MAML2: variants seen among roughly 807,000 people sequenced by gnomAD.
MAML2 encodes the protein mastermind-like protein 2.
MAML2 carries 22 observed loss-of-function variants against 96.1 expected under a neutral mutation model. The observed-to-expected ratio is 0.23, with a 90% CI of 0.16 to 0.33. The LOEUF is 0.33. Ranked by LOEUF, MAML2 falls within the 10% of genes least tolerant of loss-of-function variation. MAML2 has a pLI of 1.00. For missense variants in MAML2, 1,367 were observed against 1,392.4 expected (o/e 0.98, Z 0.29); for synonymous variants, 561 against 521.3 (o/e 1.08, Z -1.04).
intron 2 of MAML2, among the ~76,000 whole-genome samples, chr11:96,009,237 G>A (rs984716503): frequency 3.3e-5 from 5 of 152,082 alleles, no homozygotes; most frequent in African/African-American, 4.8e-5. Flanking sequence ...GCACCTCAGC[G>A]CTGCAACTTT....
At chr11:95,989,741 G>T (rs1857882341) in intron 3 of MAML2, among the ~76,000 whole-genome samples, 1 of 152,144 alleles carries the variant, frequency 6.6e-6, no homozygotes, top group African/African-American at 2.4e-5. Context: ...TCCAGTCTGT[G>T]ACTCCCTTAA....
intron 2 of MAML2, among the ~76,000 whole-genome samples, chr11:96,033,318 T>C (rs1262377189): frequency 1.3e-5 from 2 of 152,332 alleles, no homozygotes; most frequent in East Asian, 1.9e-4. Flanking sequence ...TAGTACCTTA[T>C]ATCAGAGTTC....
intron 1 of MAML2, among the ~76,000 whole-genome samples, chr11:96,339,856 C>T (rs2136023283): frequency 6.6e-6 from 1 of 152,270 alleles, no homozygotes; most frequent in East Asian, 1.9e-4. Flanking sequence ...CACTGCTTTC[C>T]TAGGGAATTC....
chr11:96,014,257 A>G (rs911399517), intron 2 of MAML2, among the ~76,000 whole-genome samples: 3 of 152,216 alleles, frequency 2.0e-5, no homozygotes, highest in African/African-American at 7.2e-5. Context: ...AACTGAGTAT[A>G]TTCACTGAGG....
intron 1 of MAML2, among the ~76,000 whole-genome samples, chr11:96,148,986 C>T (rs942325760): frequency 6.6e-6 from 1 of 152,164 alleles, no homozygotes; most frequent in Non-Finnish European, 1.5e-5. Flanking sequence ...TTGCTTAAGG[C>T]GGCATCTTAA....
chr11:96,180,402 C>T (rs1675604985), intron 1 of MAML2, among the ~76,000 whole-genome samples: 1 of 152,188 alleles, frequency 6.6e-6, no homozygotes, highest in African/African-American at 2.4e-5. Context: ...ACAGTTTCCA[C>T]TTGGCTCTCT....
intron 1 of MAML2, among the ~76,000 whole-genome samples, chr11:96,280,763 C>A (rs1324273281): frequency 1.3e-5 from 2 of 152,196 alleles, no homozygotes; most frequent in African/African-American, 4.8e-5. Context: ...TGAGTGGTAG[C>A]TAAAAGTCCT....
intron 2 of MAML2, among the ~76,000 whole-genome samples, chr11:96,058,362 C>A (rs1859102277): frequency 6.6e-6 from 1 of 152,190 alleles, no homozygotes; most frequent in Non-Finnish European, 1.5e-5. Flanking sequence ...CCCCGTTGCC[C>A]AGGCTGGAGT....
chr11:96,077,028 T>C (rs1181366807), intron 2 of MAML2, among the ~76,000 whole-genome samples: 1 of 152,004 alleles, frequency 6.6e-6, no homozygotes, highest in Non-Finnish European at 1.5e-5. Context: ...GAAAAACAAA[T>C]GGAGATATTT....
intron 2 of MAML2, among the ~76,000 whole-genome samples, chr11:96,077,215 C>CTTTTT (rs1565207022): frequency 6.8e-4 from 42 of 61,834 alleles, no homozygotes; most frequent in African/African-American, 2.4e-3. Flanking sequence ...CCAACTCTCT[C>CTTTTT]TCTCTTTTTT....
At chr11:96,307,059 C>T (rs1245033044) in intron 1 of MAML2, among the ~76,000 whole-genome samples, 1 of 152,148 alleles carries the variant, frequency 6.6e-6, no homozygotes, top group Non-Finnish European at 1.5e-5. Context: ...CTCACTCACA[C>T]GGCTGTAATA....
chr11:96,006,552 C>CT (rs61447709), intron 2 of MAML2, among the ~76,000 whole-genome samples: 34,714 of 144,516 alleles, frequency 0.24, 4,406 homozygotes, highest in East Asian at 0.43. Context: ...ATTGGAGTAT[C>CT]TTTTTTTTTT....
intron 1 of MAML2, among the ~76,000 whole-genome samples, chr11:96,314,879 GGACA>G (rs944607189): frequency 7.9e-5 from 12 of 152,192 alleles, no homozygotes; most frequent in African/African-American, 2.7e-4. Context: ...CTAGGCCAGA[GGACA>G]GACAAAGTCA....
At chr11:96,300,731 G>A (rs776371012) in intron 1 of MAML2, among the ~76,000 whole-genome samples, 6 of 152,174 alleles carry the variant, frequency 3.9e-5, no homozygotes, top group African/African-American at 7.2e-5. Flanking sequence ...TCCCTGTATC[G>A]CATGACATCC....
chr11:96,190,466 C>A (rs1861637971), intron 1 of MAML2, among the ~76,000 whole-genome samples: 1 of 152,160 alleles, frequency 6.6e-6, no homozygotes, highest in Non-Finnish European at 1.5e-5. Context: ...TACAGCCAAT[C>A]CATGAAAGAA....
At chr11:96,119,538 A>T (rs1772531547) in intron 1 of MAML2, among the ~76,000 whole-genome samples, 1 of 152,198 alleles carries the variant, frequency 6.6e-6, no homozygotes, top group Non-Finnish European at 1.5e-5. Context: ...AATGTGATGT[A>T]TTTAAGTTAT....
rs368507789 is a variant in MAML2 at position 96,179,896 on chromosome 11, C to T, written c.514-86379G>A. Reference sequence around the variant, plus strand: ...AATCCATGGTTCAGCCAGTGGCCACCTTGGCCAACTAGGAGCTGACATTGC... The same window carrying T: ...AATCCATGGTTCAGCCAGTGGCCACTTTGGCCAACTAGGAGCTGACATTGC... On this transcript the variant is annotated intron_variant, in intron 1 of 4. Transcript: ENST00000524717. 2.4e-4 allele frequency among the ~76,000 whole-genome samples: 36 copies of T among 152,346 alleles called. No homozygotes were observed. In the East Asian group the frequency reaches 3.5e-3, roughly 15 times the overall value.
intron 1 of MAML2, among the ~76,000 whole-genome samples, chr11:96,253,002 C>T (rs184474141): frequency 4.2e-4 from 64 of 152,288 alleles, no homozygotes; most frequent in Non-Finnish European, 1.2e-4. Context: ...TATCGTGTCT[C>T]TTTAAACAAA....
At chr11:96,190,300 G>T (rs541649744) in intron 1 of MAML2, among the ~76,000 whole-genome samples, 3 of 152,160 alleles carry the variant, frequency 2.0e-5, no homozygotes, top group African/African-American at 7.2e-5. Context: ...GCAGATGAGG[G>T]GATCTGTTCA....
Sources: gnomAD v4.1 joint callset for allele counts (sites outside exome capture counted in the v4.1 genomes callset) on GRCh38, gnomAD v4.1.1 for gene constraint, MANE v1.5 for transcripts, NCBI Gene and HGNC (gene_info 2026-07-23, HGNC 2026-07-21) for gene names.